ZBTB20: variants seen among roughly 807,000 people sequenced by gnomAD.
ZBTB20 encodes the protein zinc finger and BTB domain containing 20, also known as zinc finger and BTB domain-containing protein 20.
ZBTB20 carries 9 observed loss-of-function variants against 56.9 expected under a neutral mutation model. The observed-to-expected ratio is 0.16, with a 90% CI of 0.10 to 0.28. The LOEUF is 0.28. ZBTB20 is among the 10% of genes least tolerant of loss of function. The pLI is 1.00. For synonymous variants in ZBTB20, 417 were observed against 420.7 expected, an observed-to-expected ratio of 0.99 and a Z score of 0.11; for missense variants, 655 against 1,003.0, an observed-to-expected ratio of 0.65 and a Z score of 4.69.
intron 2 of ZBTB20, among the ~76,000 whole-genome samples, chr3:114,987,395 T>C (rs1166838146): frequency 6.6e-6 from 1 of 152,130 alleles, no homozygotes; most frequent in Non-Finnish European, 1.5e-5. Context: ...CTGTTGAATC[T>C]ATCTGAAAAA....
intron 5 of ZBTB20, among the ~76,000 whole-genome samples, chr3:114,744,386 G>C (rs1179306723): frequency 2.6e-5 from 4 of 152,142 alleles, no homozygotes; most frequent in Non-Finnish European, 4.4e-5. Context: ...TAAAATTACA[G>C]ACTTCTGTAA....
intron 6 of ZBTB20, among the ~76,000 whole-genome samples, chr3:114,511,213 T>C (rs2045346417): frequency 6.6e-6 from 1 of 152,092 alleles, no homozygotes; most frequent in Non-Finnish European, 1.5e-5. Context: ...AAGGCTCTGC[T>C]AAGAATCTCA....
At chr3:114,838,706 T>C (rs958641073) in intron 4 of ZBTB20, among the ~76,000 whole-genome samples, 1 of 152,140 alleles carries the variant, frequency 6.6e-6, no homozygotes, top group Non-Finnish European at 1.5e-5. Flanking sequence ...TTCAGAAAAG[T>C]ACAAATAGGG....
At chr3:114,676,722 G>C (rs987690490) in intron 6 of ZBTB20, among the ~76,000 whole-genome samples, 2 of 150,702 alleles carry the variant, frequency 1.3e-5, no homozygotes, top group Admixed American at 1.3e-4. Flanking sequence ...CACTGGACAA[G>C]TGCATTATGG....
chr3:114,910,284 TAC>T (rs1560388377), intron 3 of ZBTB20, among the ~76,000 whole-genome samples: 1 of 148,998 alleles, frequency 6.7e-6, no homozygotes, highest in South Asian at 2.1e-4. Context: ...TATATAAACA[TAC>T]ACACACACAT....
chr3:114,929,951 T>C (rs1417609820), intron 3 of ZBTB20, among the ~76,000 whole-genome samples: 1 of 152,240 alleles, frequency 6.6e-6, no homozygotes, highest in Non-Finnish European at 1.5e-5. Flanking sequence ...TTATTCTTAC[T>C]TGAATATAAC....
chr3:115,003,752 A>C (rs1338618455), intron 2 of ZBTB20, among the ~76,000 whole-genome samples: 1 of 151,590 alleles, frequency 6.6e-6, no homozygotes, highest in African/African-American at 2.4e-5. Flanking sequence ...GGCATGTTTC[A>C]TTTTTTTCAA....
At chr3:114,651,296 C>T (rs2060114884) in intron 6 of ZBTB20, among the ~76,000 whole-genome samples, 1 of 151,774 alleles carries the variant, frequency 6.6e-6, no homozygotes, top group Non-Finnish European at 1.5e-5. Flanking sequence ...GAAGACAAGA[C>T]CTGATGGCAC....
intron 2 of ZBTB20, among the ~76,000 whole-genome samples, chr3:115,002,464 C>T (rs1035890481): frequency 6.6e-6 from 1 of 151,360 alleles, no homozygotes. Flanking sequence ...GATATTCGAC[C>T]GTCATCCAAA....
chr3:114,434,259 G>A (rs2090339447), intron 7 of ZBTB20, among the ~76,000 whole-genome samples: 1 of 152,042 alleles, frequency 6.6e-6, no homozygotes, highest in Non-Finnish European at 1.5e-5. Context: ...GCTCTCGGTA[G>A]GGGTATCAAA....
chr3:114,687,849 A>G (rs1369888195), intron 6 of ZBTB20: 1 of 152,094 alleles, frequency 6.6e-6, no homozygotes, highest in Non-Finnish European at 1.5e-5. Flanking sequence ...AGTCCACTAA[A>G]CTTGGATCTC....
intron 1 of ZBTB20, among the ~76,000 whole-genome samples, chr3:115,093,656 G>A (rs1014698349): frequency 3.3e-5 from 5 of 152,086 alleles, no homozygotes; most frequent in Admixed American, 3.3e-4. Context: ...CATGTTTTGG[G>A]AATGTGTTGT....
chr3:114,743,352 T>C (rs2066767091), intron 5 of ZBTB20: 1 of 152,086 alleles, frequency 6.6e-6, no homozygotes, highest in African/African-American at 2.4e-5. Flanking sequence ...ACTTAGGATC[T>C]CAAGACGACT....
Position 114,973,847 on chromosome 3 carries a change from T to C in ZBTB20, c.-456+519A>G, listed in dbSNP as rs541115712. Among the ~76,000 whole-genome samples the C allele has an allele frequency of 6.6e-5, 10 of 152,268 alleles. No individual in the cohort carries two copies. In the South Asian group the frequency reaches 8.3e-4, roughly 13 times the overall value. Reference sequence around the variant, plus strand: ...TACACAATGCAGCCACACGAGTCTATTGTAAACTTCTTGCCTGAAATTCTG... The same window carrying C: ...TACACAATGCAGCCACACGAGTCTACTGTAAACTTCTTGCCTGAAATTCTG... On this transcript the variant is annotated intron_variant, in intron 3 of 11. Coordinates refer to ENST00000675478, the MANE Select transcript of ZBTB20 (RefSeq NM_001348800.3).
intron 2 of ZBTB20, among the ~76,000 whole-genome samples, chr3:114,986,951 CT>C (rs2078572877): frequency 6.6e-6 from 1 of 152,076 alleles, no homozygotes; most frequent in Non-Finnish European, 1.5e-5. Flanking sequence ...ATAAATTGTA[CT>C]CTATGCTTCT....
At chr3:114,964,971 G>T (rs955207506) in intron 3 of ZBTB20, among the ~76,000 whole-genome samples, 2 of 152,044 alleles carry the variant, frequency 1.3e-5, no homozygotes, top group Admixed American at 1.3e-4. Flanking sequence ...TTAGATCAAA[G>T]AATTTGTGCC....
intron 1 of ZBTB20, among the ~76,000 whole-genome samples, chr3:115,142,777 C>T (rs2084852713): frequency 1.3e-5 from 2 of 152,066 alleles, no homozygotes; most frequent in Admixed American, 1.3e-4. Context: ...ATACAAATAG[C>T]CAGAGGCAAT....
intron 7 of ZBTB20, among the ~76,000 whole-genome samples, chr3:114,413,924 C>T (rs1559757366): frequency 6.6e-6 from 1 of 152,116 alleles, no homozygotes; most frequent in Non-Finnish European, 1.5e-5. Context: ...TGCCCAGTAG[C>T]CTGATGTATT....
intron 5 of ZBTB20, among the ~76,000 whole-genome samples, chr3:114,741,440 C>T (rs1198712394): frequency 6.6e-6 from 1 of 151,962 alleles, no homozygotes; most frequent in Non-Finnish European, 1.5e-5. Context: ...TTTAGAAAGT[C>T]TAATTTTTAA....
Sources: gnomAD v4.1 joint callset for allele counts (sites outside exome capture counted in the v4.1 genomes callset) on GRCh38, gnomAD v4.1.1 for gene constraint, MANE v1.5 for transcripts, NCBI Gene and HGNC (gene_info 2026-07-23, HGNC 2026-07-21) for gene names.